The following ATG2A variants were observed in gnomAD, a reference collection of about 807,000 sequenced individuals.
ATG2A encodes the protein autophagy-related protein 2 homolog A.
Under a neutral mutation model 214.2 loss-of-function variants are expected in ATG2A, and 103 were observed. That is an observed-to-expected ratio of 0.48 (90% CI 0.41 to 0.57). The LOEUF is 0.57. ATG2A is among the 20% of genes least tolerant of loss of function. ATG2A has a pLI of 0.00. For synonymous variants in ATG2A, 1,160 were observed against 1,142.1 expected, an observed-to-expected ratio of 1.02 and a Z score of -0.32; for missense variants, 2,312 against 2,613.2, an observed-to-expected ratio of 0.88 and a Z score of 2.51.
rs960956805 is a variant in ATG2A, at chr11:64,915,147, C to G, written c.172-647G>C. On this transcript the variant is annotated intron_variant, in intron 1 of 40. Transcript: ENST00000377264. ...GCCAGATGGGACCCCCCCCCCCCAC[C>G]ACCAACCCCAAACACCTAGTGTAGC... 5.8e-5 allele frequency among the ~76,000 whole-genome samples: 6 copies of G among 103,020 alleles called. No individual in the cohort carries two copies. In the East Asian group the frequency reaches 1.1e-3, roughly 18 times the overall value. The allele number at this position is 103,020 out of a possible 152,430, so 67.6% of individuals were successfully genotyped here. A position where few individuals can be genotyped will look rare whatever the true frequency, so the allele number is the denominator to read the frequency against.
chr11:64,896,132 C>T (rs1299051692), intron 39 of ATG2A, among the ~76,000 whole-genome samples: 1 of 152,230 alleles, frequency 6.6e-6, no homozygotes, highest in Admixed American at 6.5e-5. Context: ...TGAACCAGGG[C>T]AGCCTCTGCG....
intron 31 of ATG2A, among the ~76,000 whole-genome samples, chr11:64,900,102 G>T (rs1378584681): frequency 6.7e-6 from 1 of 150,018 alleles, no homozygotes; most frequent in East Asian, 2.0e-4. Flanking sequence ...CTGAGCTCAG[G>T]TGATCTGCTC....
chr11:64,916,839 G>T, intron 1 of ATG2A, 126 bp downstream of exon 1: 1 of 1,357,862 alleles, frequency 7.4e-7, no homozygotes, highest in Non-Finnish European at 1.0e-6. Flanking sequence ...CGCCTGGAGA[G>T]GGCAAGATTC....
At chr11:64,906,058 C>T (rs1431111020) in intron 22 of ATG2A, 55 bp downstream of exon 22, 3 of 1,534,928 alleles carry the variant, frequency 2.0e-6, no homozygotes, top group Non-Finnish European at 2.6e-6. Context: ...CCTGCTTGCC[C>T]AAAACAGAAG....
Position 64,900,541 on chromosome 11 carries a change from C to T in ATG2A, c.4417G>A (p.Gly1473Ser). 6.2e-7 allele frequency: 1 copy of T among 1,613,442 alleles called. No homozygotes were observed. The highest frequency in any genetic ancestry group is 8.5e-7 in the Non-Finnish European group (1 of 1,180,030). ...RPQNSWRTQG[G>S]SGRQHHVLME... ...AGGACATGGTGCTGCCGCCCGCTGC[C>T]CCCCTGCGTGCGCCATGAGTTCTGG... Residue 1473 changes from glycine (G) to serine (S), a missense_variant, in exon 31 of 41, where the codon GGC (glycine) becomes AGC (serine). Gly to Ser is a moderately conservative substitution (Grantham distance 56). Coordinates refer to ENST00000377264, the MANE Select transcript of ATG2A (RefSeq NM_015104.3).
In ATG2A at chr11:64,902,551, G is replaced by A. The variant is rs1430841276; in HGVS notation, c.3742C>T (p.Arg1248Trp). The A allele has an allele frequency of 1.9e-5, 29 of 1,549,302 alleles. No homozygotes were observed. Among genetic ancestry groups the A allele is most frequent in the East Asian group, 4.9e-5 (2 of 41,146 alleles). The change falls in exon 27 of 41, where the codon CGG becomes TGG. Residue 1248 changes from arginine (R) to tryptophan (W), a missense_variant. Coordinates refer to ENST00000377264, the MANE Select transcript of ATG2A (RefSeq NM_015104.3). ...MSTGDLHPPPRPPSPTEIAGQ... is the reference protein window; with the variant it reads ...MSTGDLHPPPWPPSPTEIAGQ... ...GCGATCTCCGTGGGGCTGGGGGGCC[G>A]GGGTGGGGGGTGCAGATCGCCTGTG... is the stretch of plus-strand genomic sequence containing the variant.
intron 22 of ATG2A, 36 bp downstream of exon 22, chr11:64,906,077 C>A: frequency 6.5e-7 from 1 of 1,549,186 alleles, no homozygotes; most frequent in Non-Finnish European, 8.7e-7. Flanking sequence ...AGTCCAGAGT[C>A]ACTGGGCCAT....
chr11:64,909,470 A>G lies in ATG2A; in HGVS notation c.2108-103T>C, dbSNP rs189904643. On this transcript the variant is annotated intron_variant, in intron 14 of 40. Transcript: ENST00000377264. ...GAGCTGTGCCCCCGACTCCACACAC[A>G]CCTTGGTGGGCAGAGAAAGCCAGAG... is the stretch of plus-strand genomic sequence containing the variant. 1.1e-3 allele frequency: 1,577 copies of G among 1,396,722 alleles called. 15 individuals carry two copies. The African/African-American group carries it at 0.017, about 15-fold the overall frequency. The allele number at this position is 1,396,722 out of a possible 1,614,324, so 86.5% of individuals were successfully genotyped here. A position where few individuals can be genotyped will look rare whatever the true frequency, so the allele number is the denominator to read the frequency against.
In ATG2A at chr11:64,909,808, C is replaced by A; in HGVS notation, c.1980G>T (p.Ala660=). The change falls in exon 14 of 41, where the codon GCG becomes GCT. Residue 660 remains alanine (A), a synonymous_variant. Transcript: ENST00000377264. ...ADLRPEPDPW[A]GQAVRAEQLR... ...GCTGCTCAGCCCGCACGGCCTGGCC[C>A]GCCCAGGGGTCCGGCTCAGGCCGCA... 6.2e-7 allele frequency: 1 copy of A among 1,611,746 alleles called. No individual in the cohort carries two copies.
Position 64,906,664 on chromosome 11 carries a change from C to G in ATG2A, c.2983+1G>C. ...TGGTGACCTGCCCCCAGGCCTCACA[C>G]CTCGGTGGTAGAGTGTTGCCTTTTC... On this transcript the variant is annotated splice_donor_variant, in intron 20 of 40. Coordinates refer to ENST00000377264, the MANE Select transcript of ATG2A (RefSeq NM_015104.3). LOFTEE classifies it high-confidence loss of function. 6.2e-7 allele frequency: 1 copy of G among 1,613,540 alleles called. No homozygotes were observed. The highest frequency in any genetic ancestry group is 8.5e-7 in the Non-Finnish European group (1 of 1,179,992).
At chr11:64,908,819 T>C (rs183457367) in intron 16 of ATG2A, among the ~76,000 whole-genome samples, 172 bp downstream of exon 16, 74 of 152,308 alleles carry the variant, frequency 4.9e-4, no homozygotes, top group Admixed American at 1.7e-3. Flanking sequence ...AAAGACTCTC[T>C]GACTGGCTGG....
intron 24 of ATG2A, among the ~76,000 whole-genome samples, chr11:64,905,308 A>G (rs1182369816): frequency 1.3e-5 from 2 of 152,188 alleles, no homozygotes; most frequent in Non-Finnish European, 2.9e-5. Context: ...TAAGCATTAA[A>G]TCCCACCTCT....
chr11:64,913,783 T>C lies in ATG2A; in HGVS notation c.590+38A>G. The stretch of plus-strand genomic sequence containing the variant: ...ACCATCCAGCAGCCCCCACTCCCCA[T>C]CTTCACACCAGTCCACCCCAGATCG... On this transcript the variant is annotated intron_variant, in intron 4 of 40. Coordinates refer to ENST00000377264, the MANE Select transcript of ATG2A (RefSeq NM_015104.3). The surrounding 1 kb of genome is among the most constrained non-coding windows in gnomAD (Gnocchi z 4.3). 1 of 1,595,310 alleles carries C rather than the reference T, an allele frequency of 6.3e-7. No individual in the cohort carries two copies. The highest frequency in any genetic ancestry group is 8.6e-7 in the Non-Finnish European group (1 of 1,168,666).
At chr11:64,901,402 ATC>A (rs1486718472) in intron 29 of ATG2A, among the ~76,000 whole-genome samples, 1 of 151,928 alleles carries the variant, frequency 6.6e-6, no homozygotes, top group Non-Finnish European at 1.5e-5. Context: ...GCTCAGGCTA[ATC>A]TCTCATTGCT....
Position 64,897,108 on chromosome 11 carries a change from C to T in ATG2A, c.5151-239G>A, listed in dbSNP as rs1193178621. The T allele has an allele frequency of 1.4e-5, 9 of 651,888 alleles. No individual in the cohort carries two copies. The East Asian group carries it at 1.7e-4, about 12-fold the overall frequency. 40.4% of individuals were successfully genotyped at this position (651,888 alleles called of 1,614,324 possible). A position where few individuals can be genotyped will look rare whatever the true frequency, so the allele number is the denominator to read the frequency against. ...CGATCTTGGCTCACTGCAACCGCCT[C>T]CCAGGTTCAAGCAGTTCTCCTGCCT... On this transcript the variant is annotated intron_variant, in intron 37 of 40. Transcript: ENST00000377264.
In ATG2A at chr11:64,898,100, T is replaced by A; in HGVS notation, c.4844A>T (p.Glu1615Val). Reference sequence around the variant, plus strand: ...CAGCCTCTCACCCTCAGCGGAGGTCTCCCCTGGGACCACGGGGTTGATGCC... The same window carrying A: ...CAGCCTCTCACCCTCAGCGGAGGTCACCCCTGGGACCACGGGGTTGATGCC... The part of the protein sequence containing the change: ...VAGINPVVPG[E>V]TSAEARPETR... Residue 1615 changes from glutamate (E) to valine (V), a missense_variant, in exon 34 of 41, where the codon GAG (glutamate) becomes GTG (valine). Coordinates refer to ENST00000377264, the MANE Select transcript of ATG2A (RefSeq NM_015104.3). This position sits in a 1 kb window ranked among gnomAD's most constrained non-coding sequence, Gnocchi z 4.5. 2 of 1,613,920 alleles carry A rather than the reference T, an allele frequency of 1.2e-6. No homozygotes were observed. The highest frequency in any genetic ancestry group is 1.7e-6 in the Non-Finnish European group (2 of 1,179,946).
At chr11:64,912,891 C>T (rs568095916) in intron 6 of ATG2A, 147 bp downstream of exon 6, 12 of 668,946 alleles carry the variant, frequency 1.8e-5, no homozygotes, top group African/African-American at 1.6e-4. Flanking sequence ...TGTGCCTGGC[C>T]TACAGCCTCA....
Position 64,897,441 on chromosome 11 carries a change from C to T in ATG2A, c.5121G>A (p.Leu1707=), listed in dbSNP as rs760789616. ...IGLAQLNCSE[L]KLKRLCCRHG... ...GCCTGCAACAGAGCCGCTTTAGCTTCAGCTCGGAGCAGTTGAGTTGGGCCA... is the reference window on the plus strand; with the variant it reads ...GCCTGCAACAGAGCCGCTTTAGCTTTAGCTCGGAGCAGTTGAGTTGGGCCA... Residue 1707 remains leucine (L), a synonymous_variant, in exon 37 of 41, where the codon CTG becomes CTA. Transcript: ENST00000377264. 35 of 1,571,858 alleles carry T rather than the reference C, an allele frequency of 2.2e-5. No homozygotes were observed. Among genetic ancestry groups the T allele is most frequent in the Non-Finnish European group, 2.8e-5 (33 of 1,158,360 alleles).
At position 64,897,943 on chromosome 11, in the gene ATG2A, G is replaced by T; in HGVS notation, c.4890C>A (p.Ser1630Arg). 6.5e-7 allele frequency: 1 copy of T among 1,549,574 alleles called. No homozygotes were observed. Among genetic ancestry groups the T allele is most frequent in the Non-Finnish European group, 8.7e-7 (1 of 1,150,336 alleles). ...ARPETRAQPS[S>R]PLEGQAEGVE... is the part of the protein sequence containing the mutation. ...CGCCTTCGGCCTGCCCTTCCAGGGG[G>T]CTGCTGGGCTGGGCTCGAGTCTCGG... Residue 1630 changes from serine (S) to arginine (R), a missense_variant, in exon 35 of 41, where the codon AGC becomes AGA. Ser to Arg is a moderately radical substitution (Grantham distance 110, BLOSUM62 -1). Transcript: ENST00000377264.
Sources: gnomAD v4.1 joint callset for allele counts (sites outside exome capture counted in the v4.1 genomes callset) on GRCh38, gnomAD v4.1.1 for gene constraint, Gnocchi (gnomAD v3.1) non-coding constraint, MANE v1.5 for transcripts, NCBI Gene and HGNC (gene_info 2026-07-23, HGNC 2026-07-21) for gene names.